The following ATP8A2 variants were observed in gnomAD, a reference collection of about 807,000 sequenced individuals.
ATP8A2 encodes phospholipid-transporting ATPase IB.
Under a neutral mutation model 165.6 loss-of-function variants are expected in ATP8A2, and 100 were observed. The observed-to-expected ratio is 0.60, with a 90% CI of 0.51 to 0.71. ATP8A2 has a LOEUF of 0.71. Among genes scored for constraint, ATP8A2 ranks in the 30% least tolerant of loss-of-function variants. ATP8A2 has a pLI of 0.00. For synonymous variants in ATP8A2, 543 were observed against 548.8 expected (o/e 0.99, Z 0.15); for missense variants, 1,227 against 1,479.5 (o/e 0.83, Z 2.80).
intron 23 of ATP8A2, among the ~76,000 whole-genome samples, chr13:25,584,561 T>C (rs942818521): frequency 2.0e-5 from 3 of 152,114 alleles, no homozygotes; most frequent in Non-Finnish European, 4.4e-5. Flanking sequence ...ACTAGGAGTG[T>C]TTTCTGAAAA....
At chr13:26,012,461 T>A in intron 35 of ATP8A2, 70 bp from the exon 36 acceptor site, 1 of 1,261,570 alleles carries the variant, frequency 7.9e-7, no homozygotes, top group South Asian at 1.4e-5. Flanking sequence ...TCCCACCCCC[T>A]TCTGTCTGTC....
intron 24 of ATP8A2, among the ~76,000 whole-genome samples, chr13:25,655,578 C>A (rs1027813564): frequency 4.6e-5 from 7 of 152,118 alleles, no homozygotes; most frequent in African/African-American, 1.4e-4. Context: ...CTGTGCTGTT[C>A]CCCACAGTAG....
At position 25,998,250 on chromosome 13, in the gene ATP8A2, G is replaced by C. The variant is rs532535135; in HGVS notation, c.3378-14281G>C. On this transcript the variant is annotated intron_variant, in intron 35 of 36. Transcript: ENST00000381655. ...GGATGGAAGTCTAGTCATCCGAAGT[G>C]ATCTCTGCTGACATCCCAGAAGGGA... Among the ~76,000 whole-genome samples, 153 of 152,278 alleles carry C rather than the reference G, an allele frequency of 1.0e-3. 2 individuals are homozygous for C. In the Middle Eastern group the frequency reaches 0.01, roughly 10 times the overall value.
intron 24 of ATP8A2, among the ~76,000 whole-genome samples, chr13:25,694,479 C>T (rs2042794400): frequency 6.6e-6 from 1 of 152,128 alleles, no homozygotes; most frequent in South Asian, 2.1e-4. Flanking sequence ...CCGGCAGGCA[C>T]CCCTCTAGAA....
At chr13:25,639,921 A>G (rs2041472203) in intron 24 of ATP8A2, among the ~76,000 whole-genome samples, 1 of 152,240 alleles carries the variant, frequency 6.6e-6, no homozygotes. Flanking sequence ...CCACAGTGCA[A>G]TCAAACTGGA....
intron 27 of ATP8A2, among the ~76,000 whole-genome samples, chr13:25,814,656 G>A (rs923335220): frequency 2.0e-5 from 3 of 147,130 alleles, no homozygotes; most frequent in African/African-American, 7.5e-5. Flanking sequence ...CAACGAATGA[G>A]GCTAGGAAAA....
chr13:25,809,169 A>G (rs1276601049), intron 27 of ATP8A2, among the ~76,000 whole-genome samples: 1 of 152,154 alleles, frequency 6.6e-6, no homozygotes, highest in Non-Finnish European at 1.5e-5. Context: ...AACAACAGAC[A>G]CAGGGGCCTC....
chr13:25,874,867 G>A (rs1952783817), intron 33 of ATP8A2, among the ~76,000 whole-genome samples: 1 of 151,330 alleles, frequency 6.6e-6, no homozygotes, highest in Non-Finnish European at 1.5e-5. Flanking sequence ...TACACACAAT[G>A]GGATGTTATT....
intron 2 of ATP8A2, among the ~76,000 whole-genome samples, chr13:25,514,391 C>G (rs78081900): frequency 0.059 from 9,002 of 152,178 alleles, 342 homozygotes; most frequent in South Asian, 0.13. Context: ...GTGGTGCAGG[C>G]TTTCTACACA....
intron 25 of ATP8A2, among the ~76,000 whole-genome samples, chr13:25,719,715 A>G (rs1400585260): frequency 6.6e-6 from 1 of 152,236 alleles, no homozygotes; most frequent in Admixed American, 6.5e-5. Flanking sequence ...GGGTTCTGAA[A>G]ATGACTAGCC....
intron 33 of ATP8A2, chr13:25,944,758 T>C (rs1333353652): frequency 6.6e-6 from 1 of 152,156 alleles, no homozygotes; most frequent in African/African-American, 2.4e-5. Context: ...ATAATGTGAG[T>C]GTATTTATCG....
intron 2 of ATP8A2, among the ~76,000 whole-genome samples, chr13:25,522,908 G>A (rs1330436159): frequency 6.6e-6 from 1 of 152,112 alleles, no homozygotes; most frequent in Non-Finnish European, 1.5e-5. Flanking sequence ...TGAATCACTT[G>A]AGATCAGGAG....
At chr13:25,676,768 G>T (rs1296078745) in intron 24 of ATP8A2, among the ~76,000 whole-genome samples, 1 of 152,068 alleles carries the variant, frequency 6.6e-6, no homozygotes, top group East Asian at 1.9e-4. Flanking sequence ...TATACATGTT[G>T]TAGAAAACTA....
intron 24 of ATP8A2, among the ~76,000 whole-genome samples, chr13:25,697,427 G>A (rs552091445): frequency 2.2e-4 from 33 of 152,138 alleles, no homozygotes; most frequent in African/African-American, 7.7e-4. Context: ...TTACAGGTGC[G>A]TGCCACCACA....
intron 25 of ATP8A2, among the ~76,000 whole-genome samples, chr13:25,755,290 A>C (rs1285189181): frequency 6.6e-6 from 1 of 152,170 alleles, no homozygotes; most frequent in South Asian, 2.1e-4. Flanking sequence ...TCACCCAGGG[A>C]CAAAGCTACA....
chr13:25,802,377 G>A (rs1950639863), intron 27 of ATP8A2, among the ~76,000 whole-genome samples: 2 of 152,116 alleles, frequency 1.3e-5, no homozygotes, highest in Admixed American at 1.3e-4. Context: ...AAGATGGGAT[G>A]ACTAATGCCT....
At chr13:25,547,738 C>G (rs1023822569) in intron 10 of ATP8A2, among the ~76,000 whole-genome samples, 4 of 152,136 alleles carry the variant, frequency 2.6e-5, no homozygotes, top group Non-Finnish European at 5.9e-5. Flanking sequence ...TTGGGGACAG[C>G]TTTTCTAACT....
intron 33 of ATP8A2, among the ~76,000 whole-genome samples, chr13:25,894,289 G>T (rs1355247303): frequency 6.6e-6 from 1 of 152,094 alleles, no homozygotes; most frequent in Non-Finnish European, 1.5e-5. Flanking sequence ...ATTAAATAGG[G>T]AATCCTTTCC....
Position 25,674,603 on chromosome 13 carries a change from C to T in ATP8A2, c.2212-24570C>T, listed in dbSNP as rs73476850. Among the ~76,000 whole-genome samples, 962 of 152,210 alleles carry T rather than the reference C, an allele frequency of 6.3e-3. 9 individuals carry two copies. Among genetic ancestry groups the T allele is most frequent in the African/African-American group, 0.022 (897 of 41,508 alleles). Reference sequence around the variant, plus strand: ...CTGCCACAGACTTGAGTGTCAAATTCCTCCTTTCTCTAAAGAGCATAAAAT... The same window carrying T: ...CTGCCACAGACTTGAGTGTCAAATTTCTCCTTTCTCTAAAGAGCATAAAAT... On this transcript the variant is annotated intron_variant, in intron 24 of 36. Transcript: ENST00000381655.
Sources: gnomAD v4.1 joint callset for allele counts (sites outside exome capture counted in the v4.1 genomes callset) on GRCh38, gnomAD v4.1.1 for gene constraint, MANE v1.5 for transcripts, NCBI Gene and HGNC (gene_info 2026-07-23, HGNC 2026-07-21) for gene names.